COL16A1: variants seen among roughly 807,000 people sequenced by gnomAD.
COL16A1 encodes the protein collagen type XVI alpha 1 chain.
In COL16A1, 189 loss-of-function variants were observed where a neutral mutation model predicts 266.3. That is an observed-to-expected ratio of 0.71 (90% CI 0.63 to 0.80). The LOEUF (loss-of-function observed/expected upper bound fraction) is 0.80, where lower values mean the gene tolerates loss of function less well. COL16A1 is among the 30% of genes least tolerant of loss of function. The probability of loss-of-function intolerance (pLI) is 0.00; values close to 1 mark genes in which losing one functional copy is unlikely to be tolerated. For synonymous variants in COL16A1, 740 were observed against 782.3 expected (o/e 0.95, Z 0.90); for missense variants, 1,928 against 2,122.4 (o/e 0.91, Z 1.80).
chr1:31,674,658 C>A lies in COL16A1; in HGVS notation c.2859+349G>T, dbSNP rs558300424. On this transcript the variant is annotated intron_variant, in intron 44 of 70. Transcript: ENST00000373672. ...GCCCCCCACCACTGCACTTTCACCC[C>A]CTCTGCTTTGCTTTGGAAGCTGCTG... Among the ~76,000 whole-genome samples, 3 of 152,230 alleles carry A rather than the reference C, an allele frequency of 2.0e-5. No individual in the cohort carries two copies. The South Asian group carries it at 6.2e-4, about 31-fold the overall frequency.
intron 61 of COL16A1, 90 bp from the exon 62 acceptor site, chr1:31,660,728 C>T (rs1332172687): frequency 3.2e-6 from 5 of 1,557,964 alleles, no homozygotes; most frequent in East Asian, 4.5e-5. Context: ...GGGCAGAATA[C>T]ATGGTAATGC....
At chr1:31,691,336 C>A in intron 19 of COL16A1, 81 bp downstream of exon 19, 1 of 1,583,234 alleles carries the variant, frequency 6.3e-7, no homozygotes, top group African/African-American at 1.3e-5. Context: ...AGAGCCTTAT[C>A]TTCCCCCCGT....
rs1270026387 is a variant in COL16A1 at position 31,663,810 on chromosome 1, A to G, written c.3556-1152T>C. On this transcript the variant is annotated intron_variant, in intron 56 of 70. Coordinates refer to ENST00000373672, the MANE Select transcript of COL16A1 (RefSeq NM_001856.4). This position sits in a 1 kb window ranked among gnomAD's most constrained non-coding sequence, Gnocchi z 4.9. ...GAATGTTCAAAGCAGAAGAGTGATG[A>G]GAACTGATGCATGGATTGGAATGTT... Among the ~76,000 whole-genome samples, 1 of 152,202 alleles carries G rather than the reference A, an allele frequency of 6.6e-6. No homozygotes were observed. The highest frequency in any genetic ancestry group is 6.5e-5 in the Admixed American group (1 of 15,292).
rs763834475 is a variant in COL16A1, at chr1:31,672,481, G to T, written c.3040C>A (p.Pro1014Thr). ...EARGDNSEGD[P>T]GCVGSPGLPG... The stretch of plus-strand genomic sequence containing the variant: ...AGGCCTGGGCTCCCAACACAGCCAG[G>T]ATCTCCCTCACTGTTGTCACCCTGG... Residue 1014 changes from proline (P) to threonine (T), a missense_variant, in exon 47 of 71, where the codon CCT becomes ACT. Around this residue, in one of 2 missense-constraint regions of COL16A1, gnomAD observed 1,552 missense variants for 1,637.2 expected, o/e 0.95. Transcript: ENST00000373672. The T allele has an allele frequency of 1.2e-6, 2 of 1,614,156 alleles. No homozygotes were observed. The highest frequency in any genetic ancestry group is 1.1e-5 in the South Asian group (1 of 91,088).
chr1:31,695,715 G>T (rs936010753), intron 10 of COL16A1, 46 bp downstream of exon 10: 10 of 1,601,666 alleles, frequency 6.2e-6, no homozygotes, highest in Non-Finnish European at 8.6e-6. Context: ...GGTGCAAAGG[G>T]TTCATGCTGG....
chr1:31,656,782 A>ATTG lies in COL16A1; in HGVS notation c.4056+248_4056+250dup, dbSNP rs1157228000. 27 of 554,744 alleles carry ATTG rather than the reference A, an allele frequency of 4.9e-5. No individual in the cohort carries two copies. Among genetic ancestry groups the ATTG allele is most frequent in the East Asian group, 1.8e-4 (6 of 33,784 alleles). The allele number at this position is 554,744 out of a possible 1,614,324, so 34.4% of individuals were successfully genotyped here. On this transcript the variant is annotated intron_variant, in intron 65 of 70. Coordinates refer to ENST00000373672, the MANE Select transcript of COL16A1 (RefSeq NM_001856.4). This position sits in a 1 kb window ranked among gnomAD's most constrained non-coding sequence, Gnocchi z 4.2. ...TTTGGAATTTATTATTATCATTATTATTGTTGTTGTTGTTGTTTCTTTTTG... is the reference window on the plus strand; with the variant it reads ...TTTGGAATTTATTATTATCATTATTATTGTTGTTGTTGTTGTTGTTTCTTTTTG...
At position 31,700,086 on chromosome 1, in the gene COL16A1, C is replaced by T; in HGVS notation, c.103G>A (p.Gly35Arg). The change falls in exon 3 of 71, where the codon GGA (glycine) becomes AGA (arginine). Residue 35 changes from glycine to arginine, a missense_variant. By Grantham distance (125) the Gly-to-Arg change is moderately radical (BLOSUM62 -2). Transcript: ENST00000373672. ...CTACTACTGTGTTCCAATTTGAGTC[C>T]TTCCTGCTGTGAAGGTGGGCATTGT... ...GAQCPPSQQE[G>R]LKLEHSSSLP... is the part of the protein sequence containing the mutation. 2 of 1,614,174 alleles carry T rather than the reference C, an allele frequency of 1.2e-6. No homozygotes were observed. The highest frequency in any genetic ancestry group is 1.7e-6 in the Non-Finnish European group (2 of 1,180,030).
At chr1:31,653,223 TC>T (rs1640782932) in intron 70 of COL16A1, among the ~76,000 whole-genome samples, 2 of 152,228 alleles carry the variant, frequency 1.3e-5, no homozygotes, top group Admixed American at 1.3e-4. Context: ...GCTTTGGCCA[TC>T]CTCTTTCAGG....
At chr1:31,683,308 C>T (rs1218361418) in intron 35 of COL16A1, 26 bp downstream of exon 35, 1 of 1,614,100 alleles carries the variant, frequency 6.2e-7, no homozygotes, top group East Asian at 2.2e-5. Context: ...CCCTGCTATC[C>T]TCCTTCAGGA....
intron 8 of COL16A1, 101 bp from the exon 9 acceptor site, chr1:31,696,242 C>A: frequency 9.3e-7 from 1 of 1,071,800 alleles, no homozygotes; most frequent in Non-Finnish European, 1.4e-6. Flanking sequence ...CCAGGTAATC[C>A]TTCAGCCTGG....
In COL16A1 at chr1:31,691,461, G is replaced by C; in HGVS notation, c.1354C>G (p.Pro452Ala). Residue 452 changes from proline (P) to alanine (A), a missense_variant, in exon 19 of 71, where the codon CCC becomes GCC. Pro to Ala is a conservative substitution (Grantham distance 27). Around this residue, in one of 2 missense-constraint regions of COL16A1, gnomAD observed 1,552 missense variants for 1,637.2 expected, o/e 0.95. Transcript: ENST00000373672. Reference sequence around the variant, plus strand: ...ATCCCAGGGGGTCCAGGGAGGCCGGGGGGCCCAGGCTCTCCTGCCAGCCCC... The same window carrying C: ...ATCCCAGGGGGTCCAGGGAGGCCGGCGGGCCCAGGCTCTCCTGCCAGCCCC... ...PEGLAGEPGP[P>A]GLPGPPGIGL... The C allele has an allele frequency of 1.2e-6, 2 of 1,613,158 alleles. No individual in the cohort carries two copies. Among genetic ancestry groups the C allele is most frequent in the Non-Finnish European group, 1.7e-6 (2 of 1,179,478 alleles).
In COL16A1 at chr1:31,668,360, T is replaced by A; in HGVS notation, c.3250-142A>T. 1.1e-6 allele frequency: 1 copy of A among 877,300 alleles called. No homozygotes were observed. Among genetic ancestry groups the A allele is most frequent in the East Asian group, 2.7e-5 (1 of 37,220 alleles). The allele number at this position is 877,300 out of a possible 1,614,324, so 54.3% of individuals were successfully genotyped here. A position where few individuals can be genotyped will look rare whatever the true frequency, so the allele number is the denominator to read the frequency against. On this transcript the variant is annotated intron_variant, in intron 50 of 70. Coordinates refer to ENST00000373672, the MANE Select transcript of COL16A1 (RefSeq NM_001856.4). This position sits in a 1 kb window ranked among gnomAD's most constrained non-coding sequence, Gnocchi z 5.8. ...TGCCCCAGCATTGCACACTGGGCCA[T>A]CTCCCCAAGCCCCAGGTCCCCTCGG...
Position 31,688,773 on chromosome 1 carries a change from T to G in COL16A1, c.1767+88A>C. The G allele has an allele frequency of 2.2e-6, 3 of 1,394,616 alleles. No individual in the cohort carries two copies. The highest frequency in any genetic ancestry group is 2.0e-6 in the Non-Finnish European group (2 of 1,008,508). The allele number at this position is 1,394,616 out of a possible 1,614,324, so 86.4% of individuals were successfully genotyped here. On this transcript the variant is annotated intron_variant, in intron 25 of 70. Transcript: ENST00000373672. This position sits in a 1 kb window ranked among gnomAD's most constrained non-coding sequence, Gnocchi z 4.9. ...TTCCCCTCCCTCCTGATCCCTGCCCTGAGACTTGGGATCTGAAAAGCCAGG... is the reference window on the plus strand; with the variant it reads ...TTCCCCTCCCTCCTGATCCCTGCCCGGAGACTTGGGATCTGAAAAGCCAGG...
At chr1:31,683,899 C>A (rs781357963) in intron 33 of COL16A1, 51 bp downstream of exon 33, 3 of 1,612,726 alleles carry the variant, frequency 1.9e-6, no homozygotes, top group South Asian at 2.2e-5. Flanking sequence ...CTCCCTATCC[C>A]ACCCCTGCCC....
At chr1:31,662,817 T>C in intron 56 of COL16A1, 159 bp from the exon 57 acceptor site, 1 of 692,932 alleles carries the variant, frequency 1.4e-6, no homozygotes, top group Non-Finnish European at 2.4e-6. Context: ...ACTGCATATG[T>C]GCCACACGTC....
chr1:31,687,115 C>T (rs1644016367), intron 26 of COL16A1, among the ~76,000 whole-genome samples: 2 of 152,186 alleles, frequency 1.3e-5, no homozygotes, highest in Non-Finnish European at 2.9e-5. Flanking sequence ...GGCACGATGG[C>T]TCACGCCTGT....
chr1:31,669,719 A>C (rs1642478355), intron 49 of COL16A1: 1 of 152,228 alleles, frequency 6.6e-6, no homozygotes, highest in African/African-American at 2.4e-5. Context: ...GAGAGGAGCC[A>C]GGCCCCAGGA....
At position 31,697,042 on chromosome 1, in the gene COL16A1, T is replaced by G. The variant is rs768532133; in HGVS notation, c.785A>C (p.Glu262Ala). The change falls in exon 8 of 71, where the codon GAG (glutamate) becomes GCG (alanine). Residue 262 changes from glutamate to alanine, a missense_variant. Glu to Ala is a moderately radical substitution (Grantham distance 107). Around this residue, in one of 2 missense-constraint regions of COL16A1, gnomAD observed 1,552 missense variants for 1,637.2 expected, o/e 0.95. Transcript: ENST00000373672. This position sits in a 1 kb window ranked among gnomAD's most constrained non-coding sequence, Gnocchi z 4.2. ...AGACTGTGGATTGATCTCAATGAGC[T>G]CATTGCTCTGGGTGTCCCGGCGGGC... ...SKARRDTQSN[E>A]LIEINPQSEG... 1 of 1,614,156 alleles carries G rather than the reference T, an allele frequency of 6.2e-7. No individual in the cohort carries two copies. The highest frequency in any genetic ancestry group is 8.5e-7 in the Non-Finnish European group (1 of 1,180,016).
rs1557677677 is a variant in COL16A1 at position 31,689,206 on chromosome 1, A to G, written c.1621-121T>C. On this transcript the variant is annotated intron_variant, in intron 23 of 70. Transcript: ENST00000373672. Reference sequence around the variant, plus strand: ...AACCGTCCAAACACCTAGGGGTCCCATGGGGTCCAAGGCCAGCACCCCAGA... The same window carrying G: ...AACCGTCCAAACACCTAGGGGTCCCGTGGGGTCCAAGGCCAGCACCCCAGA... The G allele has an allele frequency of 1.3e-5, 20 of 1,512,560 alleles. No individual in the cohort carries two copies. In the South Asian group the frequency reaches 2.0e-4, roughly 15 times the overall value. 93.7% of individuals were successfully genotyped at this position (1,512,560 alleles called of 1,614,324 possible). A position where few individuals can be genotyped will look rare whatever the true frequency, so the allele number is the denominator to read the frequency against.
Sources: gnomAD v4.1 joint callset for allele counts (sites outside exome capture counted in the v4.1 genomes callset) on GRCh38, gnomAD v4.1.1 for gene constraint, gnomAD v4.1.1 regional missense constraint, Gnocchi (gnomAD v3.1) non-coding constraint, MANE v1.5 for transcripts, NCBI Gene and HGNC (gene_info 2026-07-23, HGNC 2026-07-21) for gene names.